CAMK1G: variants seen among roughly 807,000 people sequenced by gnomAD.
CAMK1G encodes the protein calcium/calmodulin-dependent protein kinase type 1G.
Under a neutral mutation model 54.8 loss-of-function variants are expected in CAMK1G, and 27 were observed. The observed-to-expected ratio is 0.49, with a 90% CI of 0.36 to 0.68. The LOEUF (loss-of-function observed/expected upper bound fraction) is 0.68, where lower values mean the gene tolerates loss of function less well. Ranked by LOEUF, CAMK1G falls within the 30% of genes least tolerant of loss-of-function variation. The pLI, the probability that CAMK1G is intolerant of heterozygous loss-of-function variation, is 0.00. For missense variants in CAMK1G, 512 were observed against 591.0 expected, an observed-to-expected ratio of 0.87 and a Z score of 1.39; for synonymous variants, 238 against 224.9, an observed-to-expected ratio of 1.06 and a Z score of -0.52.
Position 209,603,688 on chromosome 1 carries a change from A to G in CAMK1G, c.296+400A>G, listed in dbSNP as rs547310059. Among the ~76,000 whole-genome samples, 4 of 152,300 alleles carry G rather than the reference A, an allele frequency of 2.6e-5. No homozygotes were observed. In the East Asian group the frequency reaches 7.7e-4, roughly 29 times the overall value. On this transcript the variant is annotated intron_variant, in intron 4 of 12. Transcript: ENST00000361322. ...GGAGTCACCAGAACCCTTTTCTGGC[A>G]CTGTGGCTTCAGTCCTTTTGGACCA...
At chr1:209,592,860 G>T (rs921524401) in intron 1 of CAMK1G, among the ~76,000 whole-genome samples, 2 of 152,142 alleles carry the variant, frequency 1.3e-5, no homozygotes, top group African/African-American at 2.4e-5. Context: ...TGGCAGAAGA[G>T]GTTCCCTCTA....
intron 3 of CAMK1G, 21 bp downstream of exon 3, chr1:209,600,132 A>G (rs935913752): frequency 6.2e-7 from 1 of 1,610,656 alleles, no homozygotes; most frequent in Non-Finnish European, 8.5e-7. Context: ...CTTAGTGTTG[A>G]CTGGATCACT....
chr1:209,584,796 G>C (rs982196931), intron 1 of CAMK1G, among the ~76,000 whole-genome samples: 1 of 152,194 alleles, frequency 6.6e-6, no homozygotes, highest in African/African-American at 2.4e-5. Flanking sequence ...GCTGAAGACA[G>C]AACAAGGTCC....
At chr1:209,608,040 CACAA>C (rs1665693961) in intron 7 of CAMK1G, 107 bp downstream of exon 7, 11 of 755,818 alleles carry the variant, frequency 1.5e-5, no homozygotes, top group East Asian at 1.3e-4. Flanking sequence ...CGTGCATGTG[CACAA>C]ACAGACACAG....
At chr1:209,608,920 A>G (rs1665714263) in intron 7 of CAMK1G, 60 bp from the exon 8 acceptor site, 1 of 1,601,834 alleles carries the variant, frequency 6.2e-7, no homozygotes, top group African/African-American at 1.3e-5. Context: ...GGGAGCAGAG[A>G]GGCTGGCTCA....
At chr1:209,607,115 T>C (rs780989421) in intron 6 of CAMK1G, among the ~76,000 whole-genome samples, 5 of 152,064 alleles carry the variant, frequency 3.3e-5, no homozygotes, top group Non-Finnish European at 5.9e-5. Context: ...CTGTTTGCAG[T>C]TGGGTAATGG....
intron 1 of CAMK1G, among the ~76,000 whole-genome samples, chr1:209,587,973 G>A (rs1665143659): frequency 6.6e-6 from 1 of 152,156 alleles, no homozygotes; most frequent in Admixed American, 6.5e-5. Flanking sequence ...TCTGAGTCAT[G>A]CTCCCAAAGA....
chr1:209,611,877 A>G lies in CAMK1G; in HGVS notation c.1001A>G (p.Glu334Gly), dbSNP rs777200877. Residue 334 changes from glutamate to glycine, a missense_variant, in exon 11 of 13, where the codon GAG (glutamate) becomes GGG (glycine). Around this residue, in one of 3 missense-constraint regions of CAMK1G, gnomAD observed 315 missense variants for 330.5 expected, o/e 0.95. Coordinates refer to ENST00000361322, the MANE Select transcript of CAMK1G (RefSeq NM_020439.3). ...AGCCCGGGCGTCCGCCCAGAGGTGG[A>G]GAACAGGCCGCCTGAAACTCAAGCC... is the stretch of plus-strand genomic sequence containing the variant. ...LHSPGVRPEV[E>G]NRPPETQASE... The G allele has an allele frequency of 6.2e-7, 1 of 1,614,260 alleles. No homozygotes were observed. The highest frequency in any genetic ancestry group is 8.5e-7 in the Non-Finnish European group (1 of 1,180,044).
chr1:209,587,245 C>T (rs1419652147), intron 1 of CAMK1G, among the ~76,000 whole-genome samples: 1 of 151,978 alleles, frequency 6.6e-6, no homozygotes, highest in Non-Finnish European at 1.5e-5. Flanking sequence ...TCACCTATGA[C>T]ACCACAAGGA....
At chr1:209,611,248 C>A (rs566508870) in intron 9 of CAMK1G, among the ~76,000 whole-genome samples, 123 of 152,330 alleles carry the variant, frequency 8.1e-4, no homozygotes, top group Admixed American at 1.8e-3. Context: ...AGCTTGTTGA[C>A]CTTGCTCTAA....
intron 7 of CAMK1G, among the ~76,000 whole-genome samples, chr1:209,608,146 G>C (rs1479728442): frequency 2.0e-5 from 3 of 152,064 alleles, no homozygotes; most frequent in Admixed American, 6.5e-5. Context: ...CCTCCACCAA[G>C]TTTTAAAACA....
intron 1 of CAMK1G, among the ~76,000 whole-genome samples, chr1:209,584,451 C>T (rs1665043767): frequency 6.6e-6 from 1 of 152,160 alleles, no homozygotes; most frequent in South Asian, 2.1e-4. Context: ...CTTCCTTCAC[C>T]TTCCCCAGGG....
At chr1:209,607,196 T>C (rs1235884499) in intron 6 of CAMK1G, among the ~76,000 whole-genome samples, 1 of 152,100 alleles carries the variant, frequency 6.6e-6, no homozygotes, top group East Asian at 1.9e-4. Flanking sequence ...CCTCAGTAGG[T>C]ATTGAGTCCC....
chr1:209,586,778 A>G (rs1459161209), intron 1 of CAMK1G, among the ~76,000 whole-genome samples: 2 of 152,092 alleles, frequency 1.3e-5, no homozygotes, highest in South Asian at 2.1e-4. Flanking sequence ...TTAGCAGCAC[A>G]CTAAGAATAA....
chr1:209,597,968 C>A (rs1311778078), intron 2 of CAMK1G, among the ~76,000 whole-genome samples: 1 of 152,188 alleles, frequency 6.6e-6, no homozygotes, highest in Non-Finnish European at 1.5e-5. Flanking sequence ...TATATCAAGT[C>A]ATTTAATCTT....
chr1:209,612,708 A>G, intron 11 of CAMK1G, 77 bp from the exon 12 acceptor site: 5 of 1,203,496 alleles, frequency 4.2e-6, no homozygotes, highest in Non-Finnish European at 6.2e-6. Context: ...GGCACAGAGA[A>G]CTACCACCTC....
At chr1:209,584,629 G>T (rs1015866685) in intron 1 of CAMK1G, among the ~76,000 whole-genome samples, 2 of 152,124 alleles carry the variant, frequency 1.3e-5, no homozygotes, top group Admixed American at 1.3e-4. Context: ...CCCGGAGATG[G>T]CTGCCAGGGC....
rs1558142953 is a variant in CAMK1G at position 209,612,021 on chromosome 1, C to T, written c.1145C>T (p.Thr382Ile). ...QLPCQHGRRPTAPGGRSLNCL... is the reference protein window; with the variant it reads ...QLPCQHGRRPIAPGGRSLNCL... Reference sequence around the variant, plus strand: ...CCCTGCCAGCATGGCCGCCGGCCCACTGCCCCTGGTGGCAGGTCCCTCAAC... The same window carrying T: ...CCCTGCCAGCATGGCCGCCGGCCCATTGCCCCTGGTGGCAGGTCCCTCAAC... Residue 382 changes from threonine (T) to isoleucine (I), a missense_variant, in exon 11 of 13, where the codon ACT becomes ATT. Transcript: ENST00000361322. 1.2e-6 allele frequency: 2 copies of T among 1,614,246 alleles called. No homozygotes were observed. The highest frequency in any genetic ancestry group is 3.3e-5 in the Admixed American group (2 of 60,032).
chr1:209,611,347 C>G, intron 9 of CAMK1G, 118 bp from the exon 10 acceptor site: 1 of 810,534 alleles, frequency 1.2e-6, no homozygotes, highest in East Asian at 2.7e-5. Flanking sequence ...CTGCTGTGGG[C>G]TGTCTTTCCT....
Sources: allele counts gnomAD v4.1 joint callset (sites outside exome capture counted in the v4.1 genomes callset), GRCh38; gene constraint gnomAD v4.1.1; regional missense constraint gnomAD v4.1.1; transcripts MANE v1.5; gene names NCBI Gene and HGNC (gene_info 2026-07-23, HGNC 2026-07-21).